LDB3: variants seen among roughly 807,000 people sequenced by gnomAD.
The protein encoded by LDB3 is LIM domain-binding protein 3.
A neutral mutation model predicts 69.0 loss-of-function variants in LDB3; 49 were observed. The ratio of observed to expected loss-of-function variants is 0.71; its 90% CI spans 0.56 to 0.90. The LOEUF is 0.90. Among genes scored for constraint, LDB3 ranks in the 40% least tolerant of loss-of-function variants. LDB3 has a pLI of 0.00. For missense variants in LDB3, 928 were observed against 974.1 expected, an observed-to-expected ratio of 0.95 and a Z score of 0.63; for synonymous variants, 387 against 396.2, an observed-to-expected ratio of 0.98 and a Z score of 0.28.
At chr10:86,688,204 G>A (rs1845596296) in intron 5 of LDB3, among the ~76,000 whole-genome samples, 1 of 152,060 alleles carries the variant, frequency 6.6e-6, no homozygotes, top group Non-Finnish European at 1.5e-5. Flanking sequence ...TTATCCCTGG[G>A]TCAGGATCCC....
In LDB3 at chr10:86,735,079, AC is replaced by A. The variant is rs1847584404; in HGVS notation, c.*2104del. 6.6e-6 allele frequency: 1 copy of A among 151,054 alleles called. No individual in the cohort carries two copies. The highest frequency in any genetic ancestry group is 2.4e-5 in the African/African-American group (1 of 41,016). 9.4% of individuals were successfully genotyped at this position (151,054 alleles called of 1,614,324 possible). On this transcript the variant is annotated 3_prime_UTR_variant, in exon 14 of 14. Coordinates refer to ENST00000361373, the MANE Select transcript of LDB3 (RefSeq NM_007078.3). ...CACACACACACACACACACACACAC[AC>A]ACACACACACACACACACACGATCA...
At chr10:86,705,705 T>C (rs546137905) in intron 7 of LDB3, among the ~76,000 whole-genome samples, 3 of 152,338 alleles carry the variant, frequency 2.0e-5, no homozygotes, top group East Asian at 3.9e-4. Flanking sequence ...CGCCTTTCTC[T>C]TTCCCAGTTA....
rs1414487194 is a variant in LDB3 at position 86,671,768 on chromosome 10, C to T, written c.93+2984C>T. On this transcript the variant is annotated intron_variant, in intron 2 of 13. Transcript: ENST00000361373. ...TAGGCTCTGCTGCTCTCAGCTGTGT[C>T]ACCTCAGAAGTCTGTTTACCTGCTC... is the stretch of plus-strand genomic sequence containing the variant. 5.9e-5 allele frequency among the ~76,000 whole-genome samples: 9 copies of T among 152,336 alleles called. No individual in the cohort carries two copies. The South Asian group carries it at 6.2e-4, about 11-fold the overall frequency.
intron 12 of LDB3, among the ~76,000 whole-genome samples, chr10:86,725,044 G>A (rs1847208082): frequency 6.6e-6 from 1 of 152,180 alleles, no homozygotes; most frequent in Admixed American, 6.5e-5. Flanking sequence ...GACAATGAAT[G>A]GACATACTAT....
chr10:86,679,434 G>A lies in LDB3; in HGVS notation c.161G>A (p.Gly54Asp). 6.2e-7 allele frequency: 1 copy of A among 1,614,156 alleles called. No homozygotes were observed. Residue 54 changes from glycine (G) to aspartate (D), a missense_variant, in exon 3 of 14, where the codon GGC (glycine) becomes GAC (aspartate). By Grantham distance (94) the Gly-to-Asp change is moderately conservative (BLOSUM62 -1). Coordinates refer to ENST00000361373, the MANE Select transcript of LDB3 (RefSeq NM_007078.3). Reference protein sequence around the residue: ...SQGDLVVAIDGVNTDTMTHLE... With the variant: ...SQGDLVVAIDDVNTDTMTHLE... ...GGTGACCTCGTGGTGGCCATTGACGGCGTCAACACAGACACCATGACCCAC... is the reference window on the plus strand; with the variant it reads ...GGTGACCTCGTGGTGGCCATTGACGACGTCAACACAGACACCATGACCCAC...
At chr10:86,705,652 C>T (rs139549937) in intron 7 of LDB3, among the ~76,000 whole-genome samples, 5 of 152,336 alleles carry the variant, frequency 3.3e-5, no homozygotes, top group African/African-American at 1.2e-4. Flanking sequence ...CTGGCATTTG[C>T]TGAGACATCC....
rs116525602 is a variant in LDB3, at chr10:86,730,066, G to A, written c.2095-2821G>A. ...CAGCATCACTGCATCCACCTGGGAT[G>A]TTTTCAAACACTTTTGCAGCTCATT... is the stretch of plus-strand genomic sequence containing the variant. On this transcript the variant is annotated intron_variant, in intron 13 of 13. Transcript: ENST00000361373. Among the ~76,000 whole-genome samples the A allele has an allele frequency of 8.7e-3, 1,324 of 152,016 alleles. 26 individuals are homozygous for A. The highest frequency in any genetic ancestry group is 0.031 in the African/African-American group (1,274 of 41,534).
At chr10:86,696,266 A>G (rs1470838691) in intron 7 of LDB3, among the ~76,000 whole-genome samples, 4 of 152,026 alleles carry the variant, frequency 2.6e-5, no homozygotes, top group Non-Finnish European at 4.4e-5. Context: ...CCTCCTGCCA[A>G]TGGGTGCCCC....
At chr10:86,697,306 C>G (rs1431060504) in intron 7 of LDB3, among the ~76,000 whole-genome samples, 1 of 148,694 alleles carries the variant, frequency 6.7e-6, no homozygotes, top group Non-Finnish European at 1.5e-5. Context: ...ACTGCAACCT[C>G]CACCACCCAG....
At chr10:86,691,872 C>A in intron 5 of LDB3, 24 bp from the exon 6 acceptor site, 2 of 1,613,916 alleles carry the variant, frequency 1.2e-6, no homozygotes, top group African/African-American at 1.3e-5. Flanking sequence ...TAGCCCTCGC[C>A]CACGGCCTCT....
At chr10:86,707,639 G>C (rs1020117075) in intron 8 of LDB3, among the ~76,000 whole-genome samples, 5 of 152,198 alleles carry the variant, frequency 3.3e-5, no homozygotes, top group Non-Finnish European at 4.4e-5. Context: ...CTCCCACCCT[G>C]GCCCCCACGG....
chr10:86,714,228 G>C (rs532021638), intron 9 of LDB3, among the ~76,000 whole-genome samples: 2 of 152,330 alleles, frequency 1.3e-5, no homozygotes, highest in East Asian at 3.9e-4. Flanking sequence ...AAAACCAGGA[G>C]GTAGTAGAGC....
At chr10:86,698,860 G>A (rs575602849) in intron 7 of LDB3, among the ~76,000 whole-genome samples, 7 of 152,262 alleles carry the variant, frequency 4.6e-5, no homozygotes, top group Admixed American at 6.5e-5. Context: ...GAGATCATGC[G>A]AGGTGCACCT....
At chr10:86,731,626 G>T (rs1564665388) in intron 13 of LDB3, among the ~76,000 whole-genome samples, 1 of 152,114 alleles carries the variant, frequency 6.6e-6, no homozygotes, top group Non-Finnish European at 1.5e-5. Flanking sequence ...TCAGTTTCTA[G>T]TTGAGCACAG....
At chr10:86,668,877 C>A in intron 2 of LDB3, 93 bp downstream of exon 2, 10 of 984,538 alleles carry the variant, frequency 1.0e-5, no homozygotes, top group Non-Finnish European at 1.3e-5. Context: ...CCTTTCTGAG[C>A]CTCTCAGAAA....
At chr10:86,701,280 A>G (rs1014380443) in intron 7 of LDB3, among the ~76,000 whole-genome samples, 1 of 152,172 alleles carries the variant, frequency 6.6e-6, no homozygotes, top group Non-Finnish European at 1.5e-5. Flanking sequence ...TGCCAGATAG[A>G]GAGAGGTCCT....
chr10:86,695,175 A>T (rs988542357), intron 7 of LDB3, among the ~76,000 whole-genome samples: 3 of 152,006 alleles, frequency 2.0e-5, no homozygotes, highest in Admixed American at 1.3e-4. Context: ...TGAGAAAGTT[A>T]GCGGGAATGT....
At chr10:86,711,055 A>T (rs539945457) in intron 9 of LDB3, among the ~76,000 whole-genome samples, 5 of 152,340 alleles carry the variant, frequency 3.3e-5, no homozygotes, top group African/African-American at 1.2e-4. Context: ...ATTTTGCAGT[A>T]GTGAAAAGCC....
In LDB3 at chr10:86,682,290, G is replaced by A. The variant is rs184118585; in HGVS notation, c.689+487G>A. On this transcript the variant is annotated intron_variant, in intron 5 of 13. Coordinates refer to ENST00000361373, the MANE Select transcript of LDB3 (RefSeq NM_007078.3). ...CTAGGAATAGTCTGGGAAGCTGCCT[G>A]GAGGAGGGAGCCCTTGAATTGTATA... Among the ~76,000 whole-genome samples the A allele has an allele frequency of 2.6e-4, 39 of 152,284 alleles. No individual in the cohort carries two copies. In the South Asian group the frequency reaches 5.2e-3, roughly 20 times the overall value.
Sources: allele counts gnomAD v4.1 joint callset (sites outside exome capture counted in the v4.1 genomes callset), GRCh38; gene constraint gnomAD v4.1.1; transcripts MANE v1.5; gene names NCBI Gene and HGNC (gene_info 2026-07-23, HGNC 2026-07-21).